The following ADGRL2 variants were observed in gnomAD, a reference collection of about 807,000 sequenced individuals.
The protein encoded by ADGRL2 is calcium-independent alpha-latrotoxin receptor 2.
Under a neutral mutation model 157.4 loss-of-function variants are expected in ADGRL2, and 44 were observed. The ratio of observed to expected loss-of-function variants is 0.28; its 90% confidence interval spans 0.22 to 0.36. ADGRL2 has a LOEUF of 0.36. Among genes scored for constraint, ADGRL2 ranks in the 10% least tolerant of loss-of-function variants. ADGRL2 has a pLI of 1.00. For synonymous variants in ADGRL2, 585 were observed against 624.7 expected (o/e 0.94, Z 0.95); for missense variants, 1,510 against 1,768.9 (o/e 0.85, Z 2.63).
chr1:81,375,037 G>A (rs2076225831), intron 1 of ADGRL2, among the ~76,000 whole-genome samples: 1 of 152,194 alleles, frequency 6.6e-6, no homozygotes, highest in Non-Finnish European at 1.5e-5. Flanking sequence ...GCTTCCATGA[G>A]AGGCAGTTAT....
chr1:81,657,634 T>C (rs777451605), intron 3 of ADGRL2, among the ~76,000 whole-genome samples: 10 of 152,100 alleles, frequency 6.6e-5, no homozygotes, highest in Non-Finnish European at 1.3e-4. Context: ...GGGGTGTGTG[T>C]GTGCATGTAT....
intron 2 of ADGRL2, among the ~76,000 whole-genome samples, chr1:81,880,667 C>T (rs1009209205): frequency 1.3e-5 from 2 of 151,908 alleles, no homozygotes; most frequent in East Asian, 1.9e-4. Flanking sequence ...TCCCTCCCAC[C>T]GCCCCCCGCC....
chr1:81,327,482 C>T (rs1003327689), intron 1 of ADGRL2, among the ~76,000 whole-genome samples: 3 of 152,050 alleles, frequency 2.0e-5, no homozygotes, highest in Non-Finnish European at 4.4e-5. Flanking sequence ...CAAAGCAGTC[C>T]CTGGTTGCTT....
At chr1:81,868,978 G>T (rs1571802389) in intron 2 of ADGRL2, among the ~76,000 whole-genome samples, 1 of 152,134 alleles carries the variant, frequency 6.6e-6, no homozygotes, top group Non-Finnish European at 1.5e-5. Context: ...AAAGGATGTT[G>T]TGAGAGCAGT....
chr1:81,670,574 G>C (rs1380071451), intron 3 of ADGRL2, among the ~76,000 whole-genome samples: 1 of 152,150 alleles, frequency 6.6e-6, no homozygotes, highest in African/African-American at 2.4e-5. Context: ...AGAGAAAATA[G>C]GTGAAAAGGA....
chr1:81,370,824 T>C (rs190093101), intron 1 of ADGRL2, among the ~76,000 whole-genome samples: 33 of 152,190 alleles, frequency 2.2e-4, no homozygotes, highest in Admixed American at 1.1e-3. Flanking sequence ...TAAATTTTCA[T>C]TTTGGAGATA....
At chr1:81,336,154 A>G (rs1377917347) in intron 1 of ADGRL2, among the ~76,000 whole-genome samples, 1 of 152,168 alleles carries the variant, frequency 6.6e-6, no homozygotes, top group Non-Finnish European at 1.5e-5. Context: ...CTCCTCTACT[A>G]TGCCAGCCTG....
chr1:81,738,597 C>A (rs1365766451), intron 1 of ADGRL2, among the ~76,000 whole-genome samples: 1 of 152,176 alleles, frequency 6.6e-6, no homozygotes, highest in Admixed American at 6.5e-5. Context: ...CATGGCAGTT[C>A]AGGTGAGATG....
At chr1:81,328,303 AT>A (rs1395166387) in intron 1 of ADGRL2, among the ~76,000 whole-genome samples, 3 of 152,156 alleles carry the variant, frequency 2.0e-5, no homozygotes, top group Admixed American at 2.0e-4. Context: ...GGAGGGAAGA[AT>A]TTTGAGGAAA....
At chr1:81,411,823 T>G (rs993718168) in intron 1 of ADGRL2, among the ~76,000 whole-genome samples, 4 of 147,962 alleles carry the variant, frequency 2.7e-5, no homozygotes, top group African/African-American at 1.0e-4. Flanking sequence ...GAGCTTGCAG[T>G]GAGCTGAGAT....
At chr1:81,450,460 G>C (rs1429974262) in intron 2 of ADGRL2, among the ~76,000 whole-genome samples, 1 of 151,974 alleles carries the variant, frequency 6.6e-6, no homozygotes, top group Non-Finnish European at 1.5e-5. Flanking sequence ...GAAATAGACA[G>C]AGAAATTTAC....
chr1:81,746,915 C>T (rs575823329), intron 1 of ADGRL2, among the ~76,000 whole-genome samples: 20 of 133,236 alleles, frequency 1.5e-4, no homozygotes, highest in African/African-American at 4.0e-4. Context: ...CACGTGCACA[C>T]GTATATACGT....
chr1:81,386,494 TACTC>T (rs2076438154), intron 1 of ADGRL2, among the ~76,000 whole-genome samples: 1 of 152,180 alleles, frequency 6.6e-6, no homozygotes, highest in Non-Finnish European at 1.5e-5. Context: ...AATATACTGT[TACTC>T]ACAGTGATTT....
At chr1:81,458,380 T>C (rs1571021590) in intron 2 of ADGRL2, among the ~76,000 whole-genome samples, 1 of 152,216 alleles carries the variant, frequency 6.6e-6, no homozygotes, top group Admixed American at 6.5e-5. Flanking sequence ...TGAGCAACTG[T>C]TGTGGCTTTT....
At chr1:81,351,023 C>T (rs1266461434) in intron 1 of ADGRL2, among the ~76,000 whole-genome samples, 1 of 151,982 alleles carries the variant, frequency 6.6e-6, no homozygotes, top group African/African-American at 2.4e-5. Flanking sequence ...TATTTCCCAC[C>T]CCACCAGATT....
chr1:81,622,271 C>A (rs1055811155), intron 3 of ADGRL2, among the ~76,000 whole-genome samples: 1 of 152,082 alleles, frequency 6.6e-6, no homozygotes, highest in Admixed American at 6.5e-5. Flanking sequence ...AATATGGCAC[C>A]GTGGGTCCTT....
intron 3 of ADGRL2, among the ~76,000 whole-genome samples, chr1:81,603,238 C>T (rs985399003): frequency 2.6e-5 from 4 of 152,128 alleles, no homozygotes; most frequent in South Asian, 2.1e-4. Context: ...AACCCAAACC[C>T]GAGAAATCTC....
chr1:81,323,918 A>G (rs1038220228), intron 1 of ADGRL2, among the ~76,000 whole-genome samples: 1 of 152,170 alleles, frequency 6.6e-6, no homozygotes, highest in Non-Finnish European at 1.5e-5. Flanking sequence ...GAATCAAGAG[A>G]GAATGTTGTG....
chr1:81,681,785 T>C (rs2083122537), intron 3 of ADGRL2, among the ~76,000 whole-genome samples: 1 of 152,210 alleles, frequency 6.6e-6, no homozygotes, highest in Admixed American at 6.5e-5. Flanking sequence ...ACTTGTTTAC[T>C]TTCTTGTTTT....
Sources: allele counts gnomAD v4.1 joint callset (sites outside exome capture counted in the v4.1 genomes callset), GRCh38; gene constraint gnomAD v4.1.1; transcripts MANE v1.5; gene names NCBI Gene and HGNC (gene_info 2026-07-23, HGNC 2026-07-21).